Variants in FNBP1 observed in about 807,000 individuals in gnomAD.
FNBP1 encodes the protein formin-binding protein 1.
In FNBP1, 26 loss-of-function variants were observed where a neutral mutation model predicts 90.6. The ratio of observed to expected loss-of-function variants is 0.29; its 90% CI spans 0.21 to 0.40. The LOEUF is 0.40. Among genes scored for constraint, FNBP1 ranks in the 10% least tolerant of loss-of-function variants. FNBP1 has a pLI of 1.00. For synonymous variants in FNBP1, 260 were observed against 265.2 expected (o/e 0.98, Z 0.19); for missense variants, 635 against 768.0 (o/e 0.83, Z 2.05).
At chr9:129,983,828 T>TAA (rs965626290) in intron 2 of FNBP1, among the ~76,000 whole-genome samples, 1 of 151,630 alleles carries the variant, frequency 6.6e-6, no homozygotes, top group Non-Finnish European at 1.5e-5. Flanking sequence ...AACAATCAAA[T>TAA]AAAAAAACCC....
chr9:129,889,037 T>G lies in FNBP1; in HGVS notation c.*1502A>C, dbSNP rs947517302. The G allele has an allele frequency of 2.1e-5, 3 of 146,038 alleles. No homozygotes were observed. Among genetic ancestry groups the G allele is most frequent in the Admixed American group, 8.2e-5 (1 of 12,240 alleles). The allele number at this position is 146,038 out of a possible 1,614,324, so 9.0% of individuals were successfully genotyped here. On this transcript the variant is annotated 3_prime_UTR_variant, in exon 17 of 17. Coordinates refer to ENST00000446176, the MANE Select transcript of FNBP1 (RefSeq NM_015033.3). ...AGGCCAATGGTTCCTCTTGACTGTTTCTGCACCAAATGAGAGGAGGGGCTG... is the reference window on the plus strand; with the variant it reads ...AGGCCAATGGTTCCTCTTGACTGTTGCTGCACCAAATGAGAGGAGGGGCTG...
chr9:129,983,230 C>G (rs1444562429), intron 2 of FNBP1, among the ~76,000 whole-genome samples: 2 of 152,112 alleles, frequency 1.3e-5, no homozygotes, highest in Non-Finnish European at 2.9e-5. Flanking sequence ...AAATACTAAA[C>G]AGGATTAAAT....
At chr9:129,948,356 C>CTTTTTTTTTGTTTTTTTTTTT (rs2045648240) in intron 6 of FNBP1, among the ~76,000 whole-genome samples, 1 of 64,430 alleles carries the variant, frequency 1.6e-5, no homozygotes, top group African/African-American at 7.0e-5. Context: ...ATTTTGGTGT[C>CTTTTTTTTTGTTTTTTTTTTT]TTTTTTTTTT....
intron 11 of FNBP1, among the ~76,000 whole-genome samples, chr9:129,910,686 G>A (rs1451106171): frequency 2.0e-5 from 3 of 152,008 alleles, no homozygotes; most frequent in African/African-American, 7.2e-5. Flanking sequence ...GCTTACATGT[G>A]GGCTTATGAC....
At chr9:129,953,845 G>A (rs900567355) in intron 6 of FNBP1, among the ~76,000 whole-genome samples, 1 of 151,630 alleles carries the variant, frequency 6.6e-6, no homozygotes, top group East Asian at 1.9e-4. Context: ...GGGGGAAGAA[G>A]TTAAATAAAT....
At chr9:130,014,110 CTG>C (rs2056955370) in intron 1 of FNBP1, 4 of 454,656 alleles carry the variant, frequency 8.8e-6, no homozygotes, top group Non-Finnish European at 1.8e-5. Flanking sequence ...CAGGATGAAA[CTG>C]TAAAAATAAC....
intron 2 of FNBP1, among the ~76,000 whole-genome samples, chr9:129,983,183 G>A (rs912264818): frequency 6.6e-6 from 1 of 151,704 alleles, no homozygotes; most frequent in Admixed American, 6.6e-5. Context: ...ATTGATCCAG[G>A]TAAACCAGTA....
At chr9:129,918,801 C>A (rs1278631678) in intron 10 of FNBP1, among the ~76,000 whole-genome samples, 1 of 151,350 alleles carries the variant, frequency 6.6e-6, no homozygotes, top group Non-Finnish European at 1.5e-5. Flanking sequence ...GCGGTAAAGT[C>A]ATACCCAATG....
intron 4 of FNBP1, among the ~76,000 whole-genome samples, chr9:129,960,644 G>GT (rs1200492654): frequency 6.6e-6 from 1 of 152,112 alleles, no homozygotes; most frequent in Non-Finnish European, 1.5e-5. Flanking sequence ...AGAGGGAGTT[G>GT]TATAGGGTCT....
intron 10 of FNBP1, chr9:129,919,021 TC>T: frequency 4.5e-6 from 1 of 222,438 alleles, no homozygotes; most frequent in Non-Finnish European, 9.5e-6. Flanking sequence ...TTTCCTGGTG[TC>T]CAGTTCTCTC....
rs770739362 is a variant in FNBP1 at position 129,888,369 on chromosome 9, C to T, written c.*2170G>A. The T allele has an allele frequency of 1.3e-5, 3 of 232,662 alleles. No individual in the cohort carries two copies. Among genetic ancestry groups the T allele is most frequent in the Admixed American group, 5.6e-5 (1 of 17,752 alleles). The allele number at this position is 232,662 out of a possible 1,614,324, so 14.4% of individuals were successfully genotyped here. A position where few individuals can be genotyped will look rare whatever the true frequency, so the allele number is the denominator to read the frequency against. On this transcript the variant is annotated 3_prime_UTR_variant, in exon 17 of 17. Transcript: ENST00000446176. ...GTCAGAAGTTCCTGAAGATCCCTGT[C>T]GTCCCCGTTGGCGGGGGAGCCCATT...
intron 12 of FNBP1, among the ~76,000 whole-genome samples, chr9:129,908,410 G>A (rs2038583916): frequency 6.8e-6 from 1 of 146,812 alleles, no homozygotes; most frequent in South Asian, 2.2e-4. Context: ...TTGCTATGTT[G>A]CCTGGGCTGG....
chr9:129,900,112 A>C lies in FNBP1; in HGVS notation c.1551-11T>G, dbSNP rs1420530741. ...TAACTGCCATCTGGGCTGCTCAAGA[A>C]AGGAAAACACAAAGCAACTAAAGCG... On this transcript the variant is annotated splice_polypyrimidine_tract_variant and intron_variant, in intron 14 of 16. Coordinates refer to ENST00000446176, the MANE Select transcript of FNBP1 (RefSeq NM_015033.3). The surrounding 1 kb of genome is among the most constrained non-coding windows in gnomAD (Gnocchi z 4.1). 6 of 1,596,488 alleles carry C rather than the reference A, an allele frequency of 3.8e-6. No homozygotes were observed. Among genetic ancestry groups the C allele is most frequent in the African/African-American group, 2.7e-5 (2 of 74,022 alleles).
Position 129,955,771 on chromosome 9 carries a change from T to G in FNBP1, c.513+1589A>C, listed in dbSNP as rs1457273932. On this transcript the variant is annotated intron_variant, in intron 6 of 16. Transcript: ENST00000446176. Reference sequence around the variant, plus strand: ...AAAATAAATAAATAAACATAAAAAATAAAATAAAAAGAGACCATATCTCGG... The same window carrying G: ...AAAATAAATAAATAAACATAAAAAAGAAAATAAAAAGAGACCATATCTCGG... 2.0e-5 allele frequency among the ~76,000 whole-genome samples: 3 copies of G among 148,304 alleles called. No homozygotes were observed. The East Asian group carries it at 5.9e-4, about 29-fold the overall frequency.
At chr9:129,939,765 A>G (rs2044055559) in intron 6 of FNBP1, among the ~76,000 whole-genome samples, 1 of 152,172 alleles carries the variant, frequency 6.6e-6, no homozygotes, top group Admixed American at 6.6e-5. Flanking sequence ...ATTCCCGGAG[A>G]AAAAACAATC....
chr9:129,955,722 AAAAAT>A (rs1288677665), intron 6 of FNBP1, among the ~76,000 whole-genome samples: 2 of 151,310 alleles, frequency 1.3e-5, no homozygotes, highest in Non-Finnish European at 2.9e-5. Flanking sequence ...CTCTGTCTCA[AAAAAT>A]AAAATAAAAT....
Position 129,888,293 on chromosome 9 carries a change from A to C in FNBP1, c.*2246T>G, listed in dbSNP as rs2034860017. 4.3e-6 allele frequency: 1 copy of C among 232,482 alleles called. No homozygotes were observed. Among genetic ancestry groups the C allele is most frequent in the Non-Finnish European group, 8.5e-6 (1 of 117,640 alleles). The allele number at this position is 232,482 out of a possible 1,614,324, so 14.4% of individuals were successfully genotyped here. Reference sequence around the variant, plus strand: ...GAGGCTCTAAAATCCCATTTTAAAGAACCGTTTCACATCCTCGTGGAGTGG... The same window carrying C: ...GAGGCTCTAAAATCCCATTTTAAAGCACCGTTTCACATCCTCGTGGAGTGG... On this transcript the variant is annotated 3_prime_UTR_variant, in exon 17 of 17. Coordinates refer to ENST00000446176, the MANE Select transcript of FNBP1 (RefSeq NM_015033.3).
intron 1 of FNBP1, among the ~76,000 whole-genome samples, chr9:130,008,504 G>C (rs1255464617): frequency 6.6e-6 from 1 of 152,172 alleles, no homozygotes; most frequent in Non-Finnish European, 1.5e-5. Flanking sequence ...ACTTGTAACT[G>C]TGTTTGGCTG....
At chr9:130,039,268 T>C (rs887966402) in intron 1 of FNBP1, among the ~76,000 whole-genome samples, 2 of 152,250 alleles carry the variant, frequency 1.3e-5, no homozygotes, top group African/African-American at 4.8e-5. Flanking sequence ...TGGTGTCTTG[T>C]GCACACCATA....
Sources: gnomAD v4.1 joint callset for allele counts (sites outside exome capture counted in the v4.1 genomes callset) on GRCh38, gnomAD v4.1.1 for gene constraint, Gnocchi (gnomAD v3.1) non-coding constraint, MANE v1.5 for transcripts, NCBI Gene and HGNC (gene_info 2026-07-23, HGNC 2026-07-21) for gene names.